NFASC: variants seen among roughly 807,000 people sequenced by gnomAD.
NFASC encodes neurofascin.
NFASC carries 43 observed loss-of-function variants against 147.5 expected under a neutral mutation model. The ratio of observed to expected loss-of-function variants is 0.29; its 90% CI spans 0.23 to 0.38. The LOEUF (loss-of-function observed/expected upper bound fraction) is 0.38. NFASC is among the 10% of genes least tolerant of loss of function. The pLI is 1.00. For synonymous variants in NFASC, 622 were observed against 665.5 expected (o/e 0.93, Z 1.01); for missense variants, 1,320 against 1,689.0 (o/e 0.78, Z 3.83).
intron 1 of NFASC, among the ~76,000 whole-genome samples, chr1:204,859,436 A>T (rs937135850): frequency 3.9e-5 from 6 of 152,234 alleles, no homozygotes; most frequent in African/African-American, 1.4e-4. Context: ...AGATGCCAGG[A>T]GCATATGGCC....
chr1:204,964,354 G>A (rs1394588729), intron 8 of NFASC, among the ~76,000 whole-genome samples: 1 of 152,230 alleles, frequency 6.6e-6, no homozygotes, highest in Non-Finnish European at 1.5e-5. Flanking sequence ...CTGTATCCTG[G>A]ATAGTTCTTC....
intron 8 of NFASC, chr1:204,967,944 C>G (rs1304894757): frequency 3.4e-6 from 1 of 292,186 alleles, no homozygotes; most frequent in African/African-American, 2.2e-5. Flanking sequence ...GAGTAGATCT[C>G]GCACTGCTCA....
At chr1:204,953,892 C>T (rs1421013611) in intron 5 of NFASC, among the ~76,000 whole-genome samples, 1 of 152,186 alleles carries the variant, frequency 6.6e-6, no homozygotes, top group East Asian at 1.9e-4. Context: ...CCCCGAGTAG[C>T]TACTTCAGTA....
At chr1:204,848,906 T>C (rs1466456985) in intron 1 of NFASC, among the ~76,000 whole-genome samples, 5 of 152,226 alleles carry the variant, frequency 3.3e-5, no homozygotes, top group Non-Finnish European at 7.3e-5. Context: ...TCTGCGATAA[T>C]ACCACAGAGG....
Position 204,839,389 on chromosome 1 carries a change from AC to A in NFASC, c.-200+10608del, listed in dbSNP as rs1674646527. Among the ~76,000 whole-genome samples, 5 of 115,742 alleles carry A rather than the reference AC, an allele frequency of 4.3e-5. No individual in the cohort carries two copies. In the South Asian group the frequency reaches 1.1e-3, roughly 25 times the overall value. The allele number at this position is 115,742 out of a possible 152,430, so 75.9% of individuals were successfully genotyped here. A position where few individuals can be genotyped will look rare whatever the true frequency, so the allele number is the denominator to read the frequency against. On this transcript the variant is annotated intron_variant, in intron 1 of 29. Transcript: ENST00000339876. Reference sequence around the variant, plus strand: ...ATGAAACACACACACACACACACACACACACACACACACACACACACACACA... The same window carrying A: ...ATGAAACACACACACACACACACACAACACACACACACACACACACACACA...
chr1:205,008,425 C>G (rs2096180435), intron 27 of NFASC: 1 of 152,742 alleles, frequency 6.5e-6, no homozygotes, highest in Admixed American at 6.5e-5. Flanking sequence ...TGTGCCTCTC[C>G]CCAGGTGTCT....
chr1:204,830,118 C>G (rs1226275329), intron 1 of NFASC, among the ~76,000 whole-genome samples: 1 of 151,924 alleles, frequency 6.6e-6, no homozygotes, highest in Non-Finnish European at 1.5e-5. Flanking sequence ...GCCTGTGTCC[C>G]TGGCATGAGG....
chr1:204,906,782 ATG>A (rs2086031140), intron 1 of NFASC, among the ~76,000 whole-genome samples: 3 of 138,826 alleles, frequency 2.2e-5, no homozygotes, highest in African/African-American at 8.3e-5. Context: ...TCCCGGGCTC[ATG>A]CCATTCTCCT....
intron 3 of NFASC, 106 bp downstream of exon 3, chr1:204,944,512 G>A (rs2093584381): frequency 2.3e-6 from 2 of 861,918 alleles, no homozygotes; most frequent in Non-Finnish European, 3.5e-6. Flanking sequence ...GGAGATTGAG[G>A]AGAGGGGACG....
chr1:204,979,132 G>A lies in NFASC; in HGVS notation c.1978+63G>A. ...GGACGGCAACACCCTTAAACCGAAG[G>A]CCTTTCCTGGTTTCCAGCCCCACTT... On this transcript the variant is annotated intron_variant, in intron 18 of 29. Transcript: ENST00000339876. The surrounding 1 kb of genome is among the most constrained non-coding windows in gnomAD (Gnocchi z 6.0). 7 of 1,375,914 alleles carry A rather than the reference G, an allele frequency of 5.1e-6. No individual in the cohort carries two copies. The highest frequency in any genetic ancestry group is 6.0e-6 in the Non-Finnish European group (6 of 997,270). The allele number at this position is 1,375,914 out of a possible 1,614,324, so 85.2% of individuals were successfully genotyped here.
intron 1 of NFASC, among the ~76,000 whole-genome samples, chr1:204,914,414 G>A (rs1276498167): frequency 6.6e-6 from 1 of 152,140 alleles, no homozygotes; most frequent in Non-Finnish European, 1.5e-5. Context: ...TCTCATTCTT[G>A]TCTCTCCTGC....
At chr1:204,941,243 A>G (rs1355995009) in intron 2 of NFASC, among the ~76,000 whole-genome samples, 3 of 152,224 alleles carry the variant, frequency 2.0e-5, no homozygotes, top group African/African-American at 4.8e-5. Flanking sequence ...TGTTCTTTAA[A>G]TTCTTTTCCT....
At chr1:204,888,014 T>G (rs2081648170) in intron 1 of NFASC, among the ~76,000 whole-genome samples, 1 of 152,194 alleles carries the variant, frequency 6.6e-6, no homozygotes, top group Non-Finnish European at 1.5e-5. Context: ...GGTGCTACTC[T>G]TGGTGCTCCC....
At chr1:204,936,972 A>G (rs1263298098) in intron 2 of NFASC, among the ~76,000 whole-genome samples, 2 of 152,332 alleles carry the variant, frequency 1.3e-5, no homozygotes, top group East Asian at 3.9e-4. Flanking sequence ...GATTCCTGCC[A>G]CAGGGCCTTT....
chr1:204,978,972 G>A lies in NFASC; in HGVS notation c.1881G>A (p.Arg627=). The change falls in exon 18 of 30, where the codon CGG becomes CGA. Residue 627 remains arginine, a synonymous_variant. Transcript: ENST00000339876. ...CGTGGTGTCTTCTGCCACCAGGACG[G>A]CCAGACCGGCCCCGGGACCTGGAGC... ...TNRLAALPKG[R]PDRPRDLELT... is the part of the protein sequence containing the mutation. 1 of 1,553,094 alleles carries A rather than the reference G, an allele frequency of 6.4e-7. No homozygotes were observed. Among genetic ancestry groups the A allele is most frequent in the Non-Finnish European group, 8.7e-7 (1 of 1,147,810 alleles).
At chr1:204,997,028 C>T (rs2095858969) in intron 24 of NFASC, 142 bp from the exon 25 acceptor site, 1 of 1,307,374 alleles carries the variant, frequency 7.6e-7, no homozygotes, top group South Asian at 1.5e-5. Context: ...CCCGTCTGAC[C>T]CAGTCCGTTA....
chr1:204,981,831 C>T lies in NFASC; in HGVS notation c.2281C>T (p.Leu761=). The stretch of plus-strand genomic sequence containing the variant: ...TGCCACCTCGGCCTTTGGCCCCAAC[C>T]TGCGCTACATTGTCAAGTGGAGGCG... ...MNATSAFGPN[L]RYIVKWRRRE... The change falls in exon 21 of 30, where the codon CTG becomes TTG. Residue 761 remains leucine, a synonymous_variant. Transcript: ENST00000339876. 6.3e-7 allele frequency: 1 copy of T among 1,584,144 alleles called. No individual in the cohort carries two copies. The highest frequency in any genetic ancestry group is 8.6e-7 in the Non-Finnish European group (1 of 1,164,080).
In NFASC at chr1:204,880,386, C is replaced by T. The variant is rs574807640; in HGVS notation, c.-199-40246C>T. Among the ~76,000 whole-genome samples the T allele has an allele frequency of 1.8e-4, 28 of 152,176 alleles. No individual in the cohort carries two copies. In the South Asian group the frequency reaches 3.5e-3, roughly 19 times the overall value. On this transcript the variant is annotated intron_variant, in intron 1 of 29. Transcript: ENST00000339876. Reference sequence around the variant, plus strand: ...TTATTTATTTTTTGAGACAGAGTCTCGCTCTGTTGCCCAGGCTGGAGTGCA... The same window carrying T: ...TTATTTATTTTTTGAGACAGAGTCTTGCTCTGTTGCCCAGGCTGGAGTGCA...
intron 28 of NFASC, among the ~76,000 whole-genome samples, chr1:205,011,238 G>C (rs1290681831): frequency 1.5e-5 from 2 of 135,130 alleles, no homozygotes; most frequent in Admixed American, 7.6e-5. Flanking sequence ...AAAGGAAATA[G>C]AAGGGAGAGG....
Sources: allele counts gnomAD v4.1 joint callset (sites outside exome capture counted in the v4.1 genomes callset), GRCh38; gene constraint gnomAD v4.1.1; non-coding constraint Gnocchi (gnomAD v3.1); transcripts MANE v1.5; gene names NCBI Gene and HGNC (gene_info 2026-07-23, HGNC 2026-07-21).